Variants in ARL15 observed in about 807,000 individuals in gnomAD.
ARL15 encodes the protein ADP-ribosylation factor-like protein 15.
In ARL15, 19 loss-of-function variants were observed where a neutral mutation model predicts 25.2. The ratio of observed to expected loss-of-function variants is 0.75; its 90% CI spans 0.53 to 1.10. The LOEUF (loss-of-function observed/expected upper bound fraction) is 1.10. Among genes scored for constraint, ARL15 ranks in the 50% least tolerant of loss-of-function variants. The probability of loss-of-function intolerance (pLI) is 0.00; values close to 1 mark genes in which losing one functional copy is unlikely to be tolerated. For synonymous variants in ARL15, 94 were observed against 86.8 expected (o/e 1.08, Z -0.46); for missense variants, 220 against 246.0 (o/e 0.89, Z 0.71).
chr5:54,178,509 T>C (rs1412677184), intron 1 of ARL15, among the ~76,000 whole-genome samples: 1 of 152,136 alleles, frequency 6.6e-6, no homozygotes, highest in Non-Finnish European at 1.5e-5. Flanking sequence ...CCACACTCGA[T>C]AAATACTTTT....
chr5:54,290,497 G>T (rs1273471430), intron 1 of ARL15, among the ~76,000 whole-genome samples: 1 of 151,800 alleles, frequency 6.6e-6, no homozygotes, highest in East Asian at 1.9e-4. Context: ...TAGTAGAGAC[G>T]GGGTTTCACC....
intron 4 of ARL15, among the ~76,000 whole-genome samples, chr5:53,957,232 T>C (rs891152833): frequency 6.6e-6 from 1 of 152,100 alleles, no homozygotes; most frequent in African/African-American, 2.4e-5. Flanking sequence ...ATTTACCACA[T>C]AGAAGTGAGC....
chr5:53,895,037 G>C (rs1025285959), intron 4 of ARL15, among the ~76,000 whole-genome samples: 16 of 152,134 alleles, frequency 1.1e-4, no homozygotes, highest in African/African-American at 3.9e-4. Flanking sequence ...TTGAGTAATT[G>C]CCACAGAGAT....
At chr5:54,256,577 AG>A (rs139911035) in intron 1 of ARL15, among the ~76,000 whole-genome samples, 7,916 of 150,468 alleles carry the variant, frequency 0.053, 291 homozygotes, top group African/African-American at 0.098. Flanking sequence ...CTATGAAGCC[AG>A]TATTACCCTG....
At chr5:54,310,336 C>A in intron 1 of ARL15, 96 bp downstream of exon 1, 2 of 1,409,294 alleles carry the variant, frequency 1.4e-6, no homozygotes, top group South Asian at 1.3e-5. Flanking sequence ...CATCCTATCC[C>A]AAAGAAAGAA....
chr5:54,222,902 C>G (rs1318647523), intron 1 of ARL15, among the ~76,000 whole-genome samples: 1 of 152,034 alleles, frequency 6.6e-6, no homozygotes, highest in African/African-American at 2.4e-5. Flanking sequence ...TGACTGCAAC[C>G]TCCGCCTCCC....
At chr5:54,156,486 C>T (rs1043247409) in intron 2 of ARL15, among the ~76,000 whole-genome samples, 8 of 152,128 alleles carry the variant, frequency 5.3e-5, no homozygotes, top group East Asian at 1.9e-4. Flanking sequence ...GATGCTTTTT[C>T]GTTGATGATT....
intron 4 of ARL15, among the ~76,000 whole-genome samples, chr5:54,043,121 T>A (rs560566588): frequency 6.6e-6 from 1 of 152,102 alleles, no homozygotes; most frequent in Admixed American, 6.6e-5. Context: ...TTTGGGGCTG[T>A]AAAACAAGCA....
At chr5:54,188,237 T>C (rs1755292737) in intron 1 of ARL15, among the ~76,000 whole-genome samples, 2 of 152,148 alleles carry the variant, frequency 1.3e-5, no homozygotes, top group Non-Finnish European at 2.9e-5. Flanking sequence ...GAAAAAAACC[T>C]GAAGGCTCAC....
intron 1 of ARL15, among the ~76,000 whole-genome samples, chr5:54,178,724 G>T (rs945140951): frequency 6.6e-6 from 1 of 152,222 alleles, no homozygotes; most frequent in African/African-American, 2.4e-5. Context: ...CTAACACTAA[G>T]CGTTGCTCAA....
chr5:53,887,208 C>A (rs271247), intron 4 of ARL15, among the ~76,000 whole-genome samples: 4 of 152,050 alleles, frequency 2.6e-5, no homozygotes, highest in African/African-American at 9.7e-5. Flanking sequence ...AAATAATCTT[C>A]TTCTCTTTCT....
intron 4 of ARL15, among the ~76,000 whole-genome samples, chr5:54,061,412 C>A (rs1751056906): frequency 6.6e-6 from 1 of 152,074 alleles, no homozygotes. Flanking sequence ...GAGTTCGAGA[C>A]CAGCCTGACT....
chr5:54,141,366 A>T (rs1753776615), intron 3 of ARL15, among the ~76,000 whole-genome samples: 1 of 152,102 alleles, frequency 6.6e-6, no homozygotes, highest in Non-Finnish European at 1.5e-5. Flanking sequence ...AGTCACTTTC[A>T]TCTTTTTTCA....
intron 2 of ARL15, among the ~76,000 whole-genome samples, chr5:54,165,586 C>A (rs1754537165): frequency 6.6e-6 from 1 of 150,410 alleles, no homozygotes; most frequent in African/African-American, 2.4e-5. Flanking sequence ...TATTTTTATT[C>A]TTACTCATGT....
At chr5:54,192,475 T>C (rs1430472965) in intron 1 of ARL15, among the ~76,000 whole-genome samples, 1 of 152,034 alleles carries the variant, frequency 6.6e-6, no homozygotes, top group Non-Finnish European at 1.5e-5. Context: ...TAACCTTTTA[T>C]CATTGGACAG....
At chr5:54,065,316 A>G (rs1479542367) in intron 4 of ARL15, among the ~76,000 whole-genome samples, 1 of 152,246 alleles carries the variant, frequency 6.6e-6, no homozygotes, top group Non-Finnish European at 1.5e-5. Context: ...GCTAGCAAAT[A>G]TAATAGCCAC....
chr5:53,899,347 CAAAAAAAAAAAAAAAAAAAA>C (rs59145507), intron 4 of ARL15, among the ~76,000 whole-genome samples: 927 of 89,392 alleles, frequency 0.01, 28 homozygotes, highest in African/African-American at 0.047. Context: ...GACTCTATCC[CAAAAAAAAAAAAAAAAAAAA>C]AAAAAAAAAA....
chr5:54,091,807 G>C (rs1200912892), intron 4 of ARL15, among the ~76,000 whole-genome samples: 1 of 151,924 alleles, frequency 6.6e-6, no homozygotes, highest in Non-Finnish European at 1.5e-5. Context: ...AATGGGCCCT[G>C]CTGGTCCCAG....
chr5:54,162,024 C>CACACACACACACACACACAG (rs148833900), intron 2 of ARL15, among the ~76,000 whole-genome samples: 35 of 145,428 alleles, frequency 2.4e-4, no homozygotes, highest in African/African-American at 9.3e-4. Context: ...CACACACACA[C>CACACACACACACACACACAG]AGAGAGAGAT....
Sources: allele counts gnomAD v4.1 joint callset (sites outside exome capture counted in the v4.1 genomes callset), GRCh38; gene constraint gnomAD v4.1.1; transcripts MANE v1.5; gene names NCBI Gene and HGNC (gene_info 2026-07-23, HGNC 2026-07-21).